CNIH3: variants seen among roughly 807,000 people sequenced by gnomAD.
CNIH3 encodes protein cornichon homolog 3.
A neutral mutation model predicts 24.1 loss-of-function variants in CNIH3; 14 were observed. The observed-to-expected ratio is 0.58, with a 90% CI of 0.38 to 0.91. The LOEUF (loss-of-function observed/expected upper bound fraction) is 0.91. Among genes scored for constraint, CNIH3 ranks in the 40% least tolerant of loss-of-function variants. The pLI is 0.00. For synonymous variants in CNIH3, 68 were observed against 73.8 expected (o/e 0.92, Z 0.40); for missense variants, 178 against 196.8 (o/e 0.90, Z 0.57).
intron 3 of CNIH3, among the ~76,000 whole-genome samples, chr1:224,607,471 G>C (rs1221599113): frequency 1.3e-5 from 2 of 152,178 alleles, no homozygotes; most frequent in Non-Finnish European, 2.9e-5. Context: ...TAGCTTTACT[G>C]AATCTACATT....
chr1:224,517,795 A>C (rs1306648448), intron 1 of CNIH3, among the ~76,000 whole-genome samples: 1 of 152,120 alleles, frequency 6.6e-6, no homozygotes, highest in Non-Finnish European at 1.5e-5. Flanking sequence ...TGCATTTGCC[A>C]TTAGGGAAAT....
chr1:224,590,994 A>G (rs934934818), downstream of CNIH3, among the ~76,000 whole-genome samples: 1 of 152,176 alleles, frequency 6.6e-6, no homozygotes, highest in African/African-American at 2.4e-5. Context: ...GTGGGAGGCA[A>G]TTGGAAAAGG....
intron 1 of CNIH3, among the ~76,000 whole-genome samples, chr1:224,640,723 T>C (rs1158915259): frequency 6.6e-6 from 1 of 152,150 alleles, no homozygotes; most frequent in Non-Finnish European, 1.5e-5. Context: ...TGGTGGGGTG[T>C]CATGGCAGAG....
chr1:224,666,056 C>T (rs1219862621), intron 1 of CNIH3, among the ~76,000 whole-genome samples: 1 of 152,128 alleles, frequency 6.6e-6, no homozygotes, highest in Non-Finnish European at 1.5e-5. Context: ...AAATGTTTCC[C>T]ACCCCTGTTC....
intron 3 of CNIH3, among the ~76,000 whole-genome samples, chr1:224,710,426 C>T (rs544704359): frequency 6.6e-6 from 1 of 152,220 alleles, no homozygotes; most frequent in African/African-American, 2.4e-5. Flanking sequence ...TAGGCCTCCT[C>T]CTCCATTCAC....
At chr1:224,534,715 C>G (rs1441907049) in intron 2 of CNIH3, among the ~76,000 whole-genome samples, 1 of 152,192 alleles carries the variant, frequency 6.6e-6, no homozygotes, top group Non-Finnish European at 1.5e-5. Context: ...CTAAACATAG[C>G]TGCTATGATC....
intron 1 of CNIH3, among the ~76,000 whole-genome samples, chr1:224,452,803 G>T (rs1438872964): frequency 8.4e-6 from 1 of 119,608 alleles, no homozygotes; most frequent in African/African-American, 3.1e-5. Flanking sequence ...AAAAAAAAAA[G>T]GGTTTCAGGG....
chr1:224,637,231 G>T (rs1360078236), intron 1 of CNIH3, among the ~76,000 whole-genome samples: 1 of 152,112 alleles, frequency 6.6e-6, no homozygotes, highest in Admixed American at 6.5e-5. Context: ...GGGATTACAG[G>T]CGTGAACCAC....
intron 2 of CNIH3, among the ~76,000 whole-genome samples, chr1:224,529,707 C>T (rs533733100): frequency 4.6e-5 from 7 of 152,264 alleles, no homozygotes; most frequent in Non-Finnish European, 8.8e-5. Context: ...GGTTATTTTC[C>T]AGTGCTCATG....
intron 3 of CNIH3, among the ~76,000 whole-genome samples, chr1:224,711,327 T>TC (rs1688131816): frequency 6.6e-6 from 1 of 151,658 alleles, no homozygotes; most frequent in South Asian, 2.1e-4. Context: ...TCTCTCTCTT[T>TC]TTTTTTTTTG....
chr1:224,435,284 C>G, intron 1 of CNIH3: 1 of 908,920 alleles, frequency 1.1e-6, no homozygotes, highest in African/African-American at 1.8e-5. Context: ...GGACCGAAAT[C>G]GGGTTTCACA....
chr1:224,627,947 A>G (rs1683621985), intron 1 of CNIH3, among the ~76,000 whole-genome samples: 1 of 152,188 alleles, frequency 6.6e-6, no homozygotes, highest in Non-Finnish European at 1.5e-5. Flanking sequence ...CTCCAGCCGA[A>G]GGATTGATAC....
At chr1:224,705,830 T>G (rs1428618600) in intron 3 of CNIH3, among the ~76,000 whole-genome samples, 1 of 151,600 alleles carries the variant, frequency 6.6e-6, no homozygotes, top group Admixed American at 6.6e-5. Context: ...TCTTTTTCTT[T>G]TCTTTTCTCT....
intron 1 of CNIH3, among the ~76,000 whole-genome samples, chr1:224,452,239 T>C (rs1351132158): frequency 6.6e-6 from 1 of 150,846 alleles, no homozygotes; most frequent in African/African-American, 2.4e-5. Context: ...AACCTTCGCC[T>C]CCCGGGTTCA....
At chr1:224,599,885 A>G (rs1682136295) in intron 3 of CNIH3, among the ~76,000 whole-genome samples, 1 of 152,202 alleles carries the variant, frequency 6.6e-6, no homozygotes, top group Non-Finnish European at 1.5e-5. Context: ...GTTAAAATGA[A>G]TATAAAATTT....
intron 1 of CNIH3, among the ~76,000 whole-genome samples, chr1:224,648,986 T>C (rs1684744917): frequency 6.6e-6 from 1 of 152,220 alleles, no homozygotes; most frequent in Non-Finnish European, 1.5e-5. Context: ...TCTTCCTTTC[T>C]GAATCCCTGG....
At chr1:224,525,060 A>G (rs2124921296) in intron 2 of CNIH3, among the ~76,000 whole-genome samples, 1 of 152,318 alleles carries the variant, frequency 6.6e-6, no homozygotes, top group African/African-American at 2.4e-5. Flanking sequence ...AAGCAGGAAA[A>G]AAAGAGAGAC....
chr1:224,442,319 G>A (rs1387345649), intron 1 of CNIH3, among the ~76,000 whole-genome samples: 1 of 152,154 alleles, frequency 6.6e-6, no homozygotes, highest in Non-Finnish European at 1.5e-5. Context: ...ACTGGGGTTT[G>A]TATCATCACA....
At chr1:224,490,345 G>T (rs757515589) in intron 1 of CNIH3, among the ~76,000 whole-genome samples, 2 of 152,192 alleles carry the variant, frequency 1.3e-5, no homozygotes, top group East Asian at 1.9e-4. Flanking sequence ...ATGGTTCAGG[G>T]TTTCATATTT....
Sources: gnomAD v4.1 joint callset for allele counts (sites outside exome capture counted in the v4.1 genomes callset) on GRCh38, gnomAD v4.1.1 for gene constraint, MANE v1.5 for transcripts, NCBI Gene and HGNC (gene_info 2026-07-23, HGNC 2026-07-21) for gene names.